Variants in CFAP20DC observed in about 807,000 individuals in gnomAD.
CFAP20DC encodes the protein protein CFAP20DC.
A neutral mutation model predicts 101.7 loss-of-function variants in CFAP20DC; 84 were observed. The ratio of observed to expected loss-of-function variants is 0.83; its 90% confidence interval spans 0.69 to 0.99. CFAP20DC has a LOEUF of 0.99. Ranked by LOEUF, CFAP20DC falls within the 50% of genes least tolerant of loss-of-function variation. The probability of loss-of-function intolerance (pLI) is 0.00; values close to 1 mark genes in which losing one functional copy is unlikely to be tolerated. For missense variants in CFAP20DC, 1,007 were observed against 970.3 expected, an observed-to-expected ratio of 1.04 and a Z score of -0.50; for synonymous variants, 359 against 351.2, an observed-to-expected ratio of 1.02 and a Z score of -0.25.
At chr3:58,805,643 A>G (rs1199113313) in intron 15 of CFAP20DC, among the ~76,000 whole-genome samples, 1 of 152,206 alleles carries the variant, frequency 6.6e-6, no homozygotes, top group African/African-American at 2.4e-5. Flanking sequence ...TAGGCTCACG[A>G]TATATGGACT....
At chr3:59,037,102 C>CT (rs2094118249) in intron 4 of CFAP20DC, among the ~76,000 whole-genome samples, 4 of 152,114 alleles carry the variant, frequency 2.6e-5, no homozygotes, top group Admixed American at 6.5e-5. Flanking sequence ...AACTGGACCC[C>CT]TTCCTTACAC....
At chr3:58,814,042 T>C (rs1470018513) in intron 14 of CFAP20DC, among the ~76,000 whole-genome samples, 1 of 151,896 alleles carries the variant, frequency 6.6e-6, no homozygotes, top group East Asian at 1.9e-4. Flanking sequence ...ATACTCCCAA[T>C]AACAAATTCA....
intron 2 of CFAP20DC, 121 bp from the exon 3 acceptor site, chr3:59,046,443 G>A: frequency 1.5e-6 from 1 of 663,460 alleles, no homozygotes; most frequent in Non-Finnish European, 2.5e-6. Flanking sequence ...TTAAAAGCAG[G>A]CTCAGGCCTT....
chr3:58,970,402 A>G (rs760756115), intron 4 of CFAP20DC: 1 of 152,208 alleles, frequency 6.6e-6, no homozygotes, highest in Non-Finnish European at 1.5e-5. Flanking sequence ...CTGTGCGACA[A>G]TGGAAGCAGA....
intron 14 of CFAP20DC, among the ~76,000 whole-genome samples, chr3:58,810,973 A>G (rs2107784558): frequency 6.6e-6 from 1 of 152,246 alleles, no homozygotes; most frequent in African/African-American, 2.4e-5. Context: ...AAGAGAAGAA[A>G]ATACCTAGGA....
At chr3:58,800,587 T>C (rs1410637942) in intron 15 of CFAP20DC, among the ~76,000 whole-genome samples, 1 of 152,108 alleles carries the variant, frequency 6.6e-6, no homozygotes, top group Non-Finnish European at 1.5e-5. Flanking sequence ...TCAGGGAGGG[T>C]CAGGACTGGA....
intron 16 of CFAP20DC, among the ~76,000 whole-genome samples, chr3:58,753,542 G>T (rs1264390036): frequency 6.6e-6 from 1 of 152,188 alleles, no homozygotes; most frequent in East Asian, 1.9e-4. Flanking sequence ...ACTGTATTTT[G>T]CCCTGGTATT....
At chr3:58,909,321 AT>A (rs2083911967) in intron 6 of CFAP20DC, among the ~76,000 whole-genome samples, 1 of 152,190 alleles carries the variant, frequency 6.6e-6, no homozygotes, top group South Asian at 2.1e-4. Flanking sequence ...TGCTAAAAAA[AT>A]AAAGTCTACT....
chr3:58,949,990 T>A (rs1559882936), intron 4 of CFAP20DC, among the ~76,000 whole-genome samples: 2 of 152,202 alleles, frequency 1.3e-5, no homozygotes, highest in Non-Finnish European at 2.9e-5. Context: ...TGTCCCTGTT[T>A]GCAGATGACA....
intron 15 of CFAP20DC, among the ~76,000 whole-genome samples, chr3:58,771,994 T>C (rs953290152): frequency 2.6e-5 from 4 of 152,202 alleles, no homozygotes; most frequent in Non-Finnish European, 5.9e-5. Context: ...GCTTTTCTCC[T>C]GTTAATTTTT....
chr3:58,804,431 C>T (rs988285803), intron 15 of CFAP20DC, among the ~76,000 whole-genome samples: 3 of 148,838 alleles, frequency 2.0e-5, no homozygotes, highest in African/African-American at 5.0e-5. Context: ...TGTGTGATCT[C>T]GGCCCACTGT....
chr3:58,808,587 C>T (rs936627353), intron 14 of CFAP20DC, among the ~76,000 whole-genome samples: 4 of 152,198 alleles, frequency 2.6e-5, no homozygotes, highest in African/African-American at 4.8e-5. Flanking sequence ...AAAGGACCAA[C>T]CAGTACCAGC....
chr3:58,934,969 G>T (rs1421718475), intron 5 of CFAP20DC, among the ~76,000 whole-genome samples: 4 of 152,198 alleles, frequency 2.6e-5, no homozygotes, highest in Non-Finnish European at 5.9e-5. Flanking sequence ...ATTAGGAAAA[G>T]AGGAAGTCAA....
intron 3 of CFAP20DC, among the ~76,000 whole-genome samples, chr3:58,725,072 G>A (rs764745091): frequency 9.2e-5 from 14 of 152,234 alleles, no homozygotes; most frequent in Non-Finnish European, 1.9e-4. Context: ...AGTATTCTTC[G>A]AAGTCCCAAT....
intron 4 of CFAP20DC, among the ~76,000 whole-genome samples, chr3:59,032,559 C>T (rs556234278): frequency 1.3e-5 from 2 of 152,306 alleles, no homozygotes; most frequent in Admixed American, 1.3e-4. Flanking sequence ...GGTTTCCCCT[C>T]ACAGTGAAAA....
At chr3:58,822,875 C>A (rs1432438138) in intron 14 of CFAP20DC, among the ~76,000 whole-genome samples, 1 of 152,120 alleles carries the variant, frequency 6.6e-6, no homozygotes, top group Non-Finnish European at 1.5e-5. Context: ...TTTCTGAACA[C>A]CCCCTGGAGC....
rs1303703456 is a variant in CFAP20DC at position 58,946,629 on chromosome 3, C to A, written c.279-8867G>T. On this transcript the variant is annotated intron_variant, in intron 4 of 16. Coordinates refer to ENST00000482387, the MANE Select transcript of CFAP20DC (RefSeq NM_001394063.1). Reference sequence around the variant, plus strand: ...CCACATTCCTGTATGCTACCCTCTGCTCCTGTCAAACCCCATGAAGAAAAA... The same window carrying A: ...CCACATTCCTGTATGCTACCCTCTGATCCTGTCAAACCCCATGAAGAAAAA... Among the ~76,000 whole-genome samples, 3 of 151,956 alleles carry A rather than the reference C, an allele frequency of 2.0e-5. No individual in the cohort carries two copies. The East Asian group carries it at 5.8e-4, about 29-fold the overall frequency.
Position 58,941,327 on chromosome 3 carries a change from C to CAAAAAAAAA in CFAP20DC, c.279-3574_279-3566dup, listed in dbSNP as rs752324535. On this transcript the variant is annotated intron_variant, in intron 4 of 16. Transcript: ENST00000482387. ...CTGGCGACAGAGCGAGACTCCGTCT[C>CAAAAAAAAA]AAAAAAAAAAAAAAAAAAAAAAAAA... is the stretch of plus-strand genomic sequence containing the variant. Among the ~76,000 whole-genome samples, 16 of 19,532 alleles carry CAAAAAAAAA rather than the reference C, an allele frequency of 8.2e-4. 1 individual carries two copies. Among genetic ancestry groups the CAAAAAAAAA allele is most frequent in the African/African-American group, 2.7e-3 (15 of 5,460 alleles). 12.8% of individuals were successfully genotyped at this position (19,532 alleles called of 152,430 possible).
intron 15 of CFAP20DC, among the ~76,000 whole-genome samples, chr3:58,760,747 G>T (rs1434978964): frequency 1.3e-5 from 2 of 152,128 alleles, no homozygotes; most frequent in African/African-American, 4.8e-5. Context: ...AGCATGAAGG[G>T]TTGTTGAATT....
Sources: allele counts gnomAD v4.1 joint callset (sites outside exome capture counted in the v4.1 genomes callset), GRCh38; gene constraint gnomAD v4.1.1; transcripts MANE v1.5; gene names NCBI Gene and HGNC (gene_info 2026-07-23, HGNC 2026-07-21).